DGKB: variants seen among roughly 807,000 people sequenced by gnomAD.
DGKB encodes diacylglycerol kinase beta, also known as 90 kDa diacylglycerol kinase.
Under a neutral mutation model 114.3 loss-of-function variants are expected in DGKB, and 67 were observed. The ratio of observed to expected loss-of-function variants is 0.59; its 90% CI spans 0.48 to 0.72. The LOEUF (loss-of-function observed/expected upper bound fraction) is 0.72. Among genes scored for constraint, DGKB ranks in the 30% least tolerant of loss-of-function variants. The pLI, the probability that DGKB is intolerant of heterozygous loss-of-function variation, is 0.00. For synonymous variants in DGKB, 398 were observed against 323.1 expected, an observed-to-expected ratio of 1.23 and a Z score of -2.49; for missense variants, 907 against 975.2, an observed-to-expected ratio of 0.93 and a Z score of 0.93.
intron 14 of DGKB, among the ~76,000 whole-genome samples, chr7:14,624,028 T>G (rs1393110175): frequency 6.6e-6 from 1 of 152,202 alleles, no homozygotes; most frequent in Non-Finnish European, 1.5e-5. Flanking sequence ...GTATTCAATA[T>G]AACAGTTACT....
intron 20 of DGKB, among the ~76,000 whole-genome samples, chr7:14,505,728 T>A (rs2128963039): frequency 6.6e-6 from 1 of 152,258 alleles, no homozygotes; most frequent in African/African-American, 2.4e-5. Flanking sequence ...CAAGAAGATA[T>A]GGAAGTAGAA....
intron 21 of DGKB, among the ~76,000 whole-genome samples, chr7:14,414,776 C>A (rs1449105299): frequency 6.6e-6 from 1 of 152,068 alleles, no homozygotes; most frequent in South Asian, 2.1e-4. Flanking sequence ...AATAGGTTGA[C>A]ACGGGTGTGA....
At chr7:14,729,749 G>C (rs1830646244) in intron 5 of DGKB, among the ~76,000 whole-genome samples, 2 of 152,140 alleles carry the variant, frequency 1.3e-5, no homozygotes, top group African/African-American at 4.8e-5. Context: ...CAGTTCAAAA[G>C]TGGTTTACAA....
At chr7:14,841,090 C>A (rs773212520) in intron 2 of DGKB, 104 bp downstream of exon 2, 86 of 1,017,976 alleles carry the variant, frequency 8.4e-5, no homozygotes, top group Non-Finnish European at 1.1e-4. Context: ...AGAGCTGGAT[C>A]TATCCCCATG....
chr7:14,866,898 G>C (rs1276817459), intron 1 of DGKB, among the ~76,000 whole-genome samples: 18 of 152,136 alleles, frequency 1.2e-4, no homozygotes, highest in Admixed American at 1.1e-3. Context: ...GTTTGATGTT[G>C]TCAGTGTTCC....
At chr7:14,413,495 T>C (rs573157512) in intron 21 of DGKB, among the ~76,000 whole-genome samples, 20 of 152,174 alleles carry the variant, frequency 1.3e-4, no homozygotes, top group Non-Finnish European at 2.5e-4. Flanking sequence ...AGGTCTGGGT[T>C]GTATATAAAA....
chr7:14,358,380 C>T (rs370547659), intron 21 of DGKB, among the ~76,000 whole-genome samples: 21 of 152,210 alleles, frequency 1.4e-4, no homozygotes, highest in South Asian at 6.2e-4. Flanking sequence ...TTGATCGAAT[C>T]GGCTATTGAA....
chr7:14,648,230 G>C (rs1212341408), intron 13 of DGKB, among the ~76,000 whole-genome samples: 2 of 152,216 alleles, frequency 1.3e-5, no homozygotes, highest in African/African-American at 2.4e-5. Flanking sequence ...AACCTCTGCA[G>C]ACTTAAATGT....
intron 17 of DGKB, among the ~76,000 whole-genome samples, chr7:14,598,536 A>C (rs1802984052): frequency 1.3e-5 from 2 of 152,308 alleles, no homozygotes; most frequent in Non-Finnish European, 2.9e-5. Context: ...CAATGATATC[A>C]CTGGAGCTCT....
intron 23 of DGKB, among the ~76,000 whole-genome samples, chr7:14,184,187 G>C (rs1783057482): frequency 6.6e-6 from 1 of 152,150 alleles, no homozygotes; most frequent in Admixed American, 6.5e-5. Flanking sequence ...ATACCACAGG[G>C]ATCCAACGGG....
chr7:14,321,189 G>A (rs1318823778), intron 23 of DGKB, among the ~76,000 whole-genome samples: 1 of 152,162 alleles, frequency 6.6e-6, no homozygotes, highest in Non-Finnish European at 1.5e-5. Flanking sequence ...CGCTTGGGAA[G>A]CTGAGGTGGG....
At chr7:14,834,489 A>C (rs1044461602) in intron 2 of DGKB, among the ~76,000 whole-genome samples, 5 of 152,128 alleles carry the variant, frequency 3.3e-5, no homozygotes, top group Non-Finnish European at 7.4e-5. Flanking sequence ...TTAGCGTATC[A>C]CTTGCAGGGA....
intron 20 of DGKB, among the ~76,000 whole-genome samples, chr7:14,482,576 C>T (rs1783140866): frequency 6.6e-6 from 1 of 152,028 alleles, no homozygotes; most frequent in African/African-American, 2.4e-5. Flanking sequence ...AAACACTACA[C>T]TTTGTAATAC....
At chr7:14,894,763 A>C (rs1255792076) in intron 1 of DGKB, among the ~76,000 whole-genome samples, 1 of 151,606 alleles carries the variant, frequency 6.6e-6, no homozygotes, top group African/African-American at 2.4e-5. Context: ...TGAAGCTCAA[A>C]AGCCTTATCA....
At chr7:14,197,732 T>C (rs1785230567) in intron 23 of DGKB, among the ~76,000 whole-genome samples, 1 of 152,166 alleles carries the variant, frequency 6.6e-6, no homozygotes. Context: ...ATGAACTTCA[T>C]TGGACAAATA....
chr7:14,206,208 A>C (rs567910323), intron 23 of DGKB, among the ~76,000 whole-genome samples: 1 of 152,156 alleles, frequency 6.6e-6, no homozygotes, highest in African/African-American at 2.4e-5. Context: ...TAATTAAAAC[A>C]CCAGTTGAAA....
intron 1 of DGKB, among the ~76,000 whole-genome samples, chr7:14,845,128 A>G (rs916244457): frequency 8.3e-5 from 8 of 96,580 alleles, no homozygotes; most frequent in African/African-American, 1.6e-4. Flanking sequence ...AAAAAAAAAA[A>G]AAAAAAAAAA....
intron 20 of DGKB, among the ~76,000 whole-genome samples, chr7:14,506,159 G>C (rs1787017138): frequency 6.6e-6 from 1 of 152,024 alleles, no homozygotes; most frequent in Non-Finnish European, 1.5e-5. Flanking sequence ...ACTCTTCCTG[G>C]TAACTCAGAA....
At chr7:14,775,648 C>T (rs898143356) in intron 2 of DGKB, among the ~76,000 whole-genome samples, 5 of 151,944 alleles carry the variant, frequency 3.3e-5, no homozygotes, top group East Asian at 3.9e-4. Flanking sequence ...TTCCCAATTT[C>T]GTTCTGCATT....
Sources: allele counts gnomAD v4.1 joint callset (sites outside exome capture counted in the v4.1 genomes callset), GRCh38; gene constraint gnomAD v4.1.1; transcripts MANE v1.5; gene names NCBI Gene and HGNC (gene_info 2026-07-23, HGNC 2026-07-21).